Variants in LEKR1 observed in about 807,000 individuals in gnomAD.
The protein encoded by LEKR1 is leucine, glutamate and lysine rich 1, also known as protein LEKR1.
LEKR1 carries 59 observed loss-of-function variants against 72.4 expected under a neutral mutation model. The ratio of observed to expected loss-of-function variants is 0.82; its 90% CI spans 0.66 to 1.01. LEKR1 has a LOEUF of 1.01. LEKR1 is among the 50% of genes least tolerant of loss of function. The probability of loss-of-function intolerance (pLI) is 0.00; values close to 1 mark genes in which losing one functional copy is unlikely to be tolerated. For synonymous variants in LEKR1, 257 were observed against 263.2 expected (o/e 0.98, Z 0.23); for missense variants, 728 against 759.2 (o/e 0.96, Z 0.48).
At chr3:156,946,556 G>A (rs1726695383) in intron 6 of LEKR1, among the ~76,000 whole-genome samples, 1 of 151,378 alleles carries the variant, frequency 6.6e-6, no homozygotes, top group Non-Finnish European at 1.5e-5. Flanking sequence ...TCCCTGCTCA[G>A]TATGATACTA....
intron 6 of LEKR1, among the ~76,000 whole-genome samples, chr3:156,971,882 C>T (rs1422190068): frequency 1.3e-5 from 2 of 152,200 alleles, no homozygotes; most frequent in Non-Finnish European, 2.9e-5. Flanking sequence ...AACACTTTTA[C>T]ACTGTTGGTG....
intron 6 of LEKR1, among the ~76,000 whole-genome samples, chr3:156,971,712 T>C (rs1729215330): frequency 6.6e-6 from 1 of 152,142 alleles, no homozygotes; most frequent in Admixed American, 6.5e-5. Context: ...AAAGAAGACA[T>C]TTATGCAGCC....
At chr3:156,885,946 G>A (rs1483796878) in intron 3 of LEKR1, among the ~76,000 whole-genome samples, 1 of 152,194 alleles carries the variant, frequency 6.6e-6, no homozygotes, top group South Asian at 2.1e-4. Context: ...AGTAGTAGGG[G>A]GCTGTAAGCT....
chr3:156,957,598 A>T (rs1241500512), intron 6 of LEKR1, among the ~76,000 whole-genome samples: 1 of 151,868 alleles, frequency 6.6e-6, no homozygotes, highest in Admixed American at 6.6e-5. Flanking sequence ...ACTCATTAAG[A>T]TTTTACCTTT....
intron 3 of LEKR1, among the ~76,000 whole-genome samples, chr3:156,878,085 C>T (rs1389309941): frequency 6.6e-6 from 1 of 151,806 alleles, no homozygotes; most frequent in Non-Finnish European, 1.5e-5. Flanking sequence ...TGCCCAGCCT[C>T]ATTTATCTTT....
chr3:156,865,015 T>C (rs1422736584), intron 3 of LEKR1, among the ~76,000 whole-genome samples: 2 of 152,042 alleles, frequency 1.3e-5, no homozygotes, highest in Admixed American at 6.6e-5. Context: ...CACTTGCACT[T>C]CTAACATTTC....
chr3:156,921,873 T>A (rs1314650683), intron 4 of LEKR1, among the ~76,000 whole-genome samples: 3 of 152,208 alleles, frequency 2.0e-5, no homozygotes, highest in African/African-American at 7.2e-5. Context: ...TTTTGCATGT[T>A]ATCTTCAGTA....
intron 6 of LEKR1, among the ~76,000 whole-genome samples, chr3:156,945,826 A>G (rs1387869580): frequency 6.6e-6 from 1 of 151,682 alleles, no homozygotes; most frequent in Non-Finnish European, 1.5e-5. Context: ...TTTTTATGTC[A>G]GCACCCAGTT....
Position 157,024,824 on chromosome 3 carries a change from T to G in LEKR1, c.1268T>G (p.Leu423Arg). 1 of 1,611,940 alleles carries G rather than the reference T, an allele frequency of 6.2e-7. No homozygotes were observed. The highest frequency in any genetic ancestry group is 8.5e-7 in the Non-Finnish European group (1 of 1,178,754). ...GTTGAATTTGAAGAGCAAGCTCTTC[T>G]CTTTAAGGAAGAAACAAAATTGCAA... ...HLVEFEEQAL[L>R]FKEETKLQLD... Residue 423 changes from leucine to arginine, a missense_variant, in exon 11 of 13, where the codon CTC becomes CGC. Leu to Arg is a moderately radical substitution (Grantham distance 102, BLOSUM62 -2). Coordinates refer to ENST00000356539, the MANE Select transcript of LEKR1 (RefSeq NM_001004316.3).
intron 2 of LEKR1, among the ~76,000 whole-genome samples, chr3:156,847,658 T>C (rs1714796148): frequency 6.6e-6 from 1 of 152,222 alleles, no homozygotes; most frequent in Admixed American, 6.5e-5. Flanking sequence ...CAGTTTTGGT[T>C]ACAGAACATT....
chr3:157,002,421 A>G (rs984187468), intron 9 of LEKR1, among the ~76,000 whole-genome samples: 1 of 152,124 alleles, frequency 6.6e-6, no homozygotes, highest in African/African-American at 2.4e-5. Flanking sequence ...GAGCAGCCCC[A>G]TGGTTGTACT....
intron 6 of LEKR1, among the ~76,000 whole-genome samples, chr3:156,949,395 C>A (rs1726958526): frequency 6.6e-6 from 1 of 151,574 alleles, no homozygotes; most frequent in Non-Finnish European, 1.5e-5. Context: ...GCCAGTTATC[C>A]CAGCACCGTT....
Sources: allele counts gnomAD v4.1 joint callset (sites outside exome capture counted in the v4.1 genomes callset), GRCh38; gene constraint gnomAD v4.1.1; transcripts MANE v1.5; gene names NCBI Gene and HGNC (gene_info 2026-07-23, HGNC 2026-07-21).